The following CADM2 variants were observed in gnomAD, a reference collection of about 807,000 sequenced individuals.
The protein encoded by CADM2 is immunoglobulin superfamily member 4D.
A neutral mutation model predicts 49.8 loss-of-function variants in CADM2; 12 were observed. The ratio of observed to expected loss-of-function variants is 0.24; its 90% CI spans 0.15 to 0.39. The LOEUF (loss-of-function observed/expected upper bound fraction) is 0.39. CADM2 is among the 10% of genes least tolerant of loss of function. CADM2 has a pLI of 1.00. For synonymous variants in CADM2, 214 were observed against 175.4 expected (o/e 1.22, Z -1.74); for missense variants, 378 against 492.3 (o/e 0.77, Z 2.20).
chr3:85,201,926 C>T (rs2041513232), intron 1 of CADM2, among the ~76,000 whole-genome samples: 1 of 151,692 alleles, frequency 6.6e-6, no homozygotes, highest in Admixed American at 6.6e-5. Context: ...ACTAAAAATA[C>T]AAAAATTCGT....
At chr3:85,102,302 A>T (rs568349929) in intron 1 of CADM2, among the ~76,000 whole-genome samples, 1 of 152,186 alleles carries the variant, frequency 6.6e-6, no homozygotes, top group Non-Finnish European at 1.5e-5. Context: ...GAACATTCCC[A>T]TAAAATCAAA....
At chr3:85,177,721 A>G (rs2040821869) in intron 1 of CADM2, among the ~76,000 whole-genome samples, 1 of 151,986 alleles carries the variant, frequency 6.6e-6, no homozygotes, top group Non-Finnish European at 1.5e-5. Flanking sequence ...AGGTAAAATT[A>G]TATCTAACAT....
chr3:85,741,314 A>G (rs1312438387), intron 2 of CADM2, among the ~76,000 whole-genome samples: 1 of 145,300 alleles, frequency 6.9e-6, no homozygotes, highest in Admixed American at 7.0e-5. Flanking sequence ...CCTGTCTTTG[A>G]TGATTTATTT....
chr3:85,775,640 T>C (rs781190296), intron 2 of CADM2, among the ~76,000 whole-genome samples: 5 of 151,854 alleles, frequency 3.3e-5, no homozygotes, highest in Non-Finnish European at 5.9e-5. Context: ...TTCCTCCAAA[T>C]TCAGCTCTAT....
chr3:86,032,468 A>G (rs887646094), intron 8 of CADM2, among the ~76,000 whole-genome samples: 6 of 151,990 alleles, frequency 3.9e-5, no homozygotes, highest in African/African-American at 1.4e-4. Flanking sequence ...GCAATAGCTA[A>G]AAGAAAACCT....
intron 6 of CADM2, among the ~76,000 whole-genome samples, chr3:85,930,947 T>C (rs1381553258): frequency 2.0e-5 from 3 of 150,200 alleles, no homozygotes; most frequent in Non-Finnish European, 4.4e-5. Flanking sequence ...TGTTAATTAA[T>C]TAATAGTTCA....
At chr3:85,621,319 A>G (rs184377721) in intron 1 of CADM2, among the ~76,000 whole-genome samples, 6 of 152,132 alleles carry the variant, frequency 3.9e-5, no homozygotes, top group Admixed American at 3.9e-4. Context: ...AAATTTCCTG[A>G]GTTGTTTTTT....
At chr3:85,238,208 A>G (rs1264288503) in intron 1 of CADM2, among the ~76,000 whole-genome samples, 1 of 151,950 alleles carries the variant, frequency 6.6e-6, no homozygotes, top group Admixed American at 6.6e-5. Flanking sequence ...AAGGAGAGGA[A>G]ATCCTGGAAT....
At chr3:85,484,447 C>T (rs1008086708) in intron 1 of CADM2, among the ~76,000 whole-genome samples, 1 of 151,952 alleles carries the variant, frequency 6.6e-6, no homozygotes, top group African/African-American at 2.4e-5. Context: ...TACAGTGCTT[C>T]TCCCTACCAT....
chr3:85,652,593 T>C (rs1220605180), intron 1 of CADM2, among the ~76,000 whole-genome samples: 2 of 151,910 alleles, frequency 1.3e-5, no homozygotes, highest in Non-Finnish European at 2.9e-5. Flanking sequence ...CAGCAACAAA[T>C]ACATAGTTCT....
chr3:85,244,211 C>T (rs1386234786), intron 1 of CADM2, among the ~76,000 whole-genome samples: 1 of 152,026 alleles, frequency 6.6e-6, no homozygotes, highest in African/African-American at 2.4e-5. Flanking sequence ...TTTTCAGTCT[C>T]TAGTTTATCA....
At chr3:85,698,283 C>T (rs1174011088) in intron 1 of CADM2, among the ~76,000 whole-genome samples, 1 of 152,166 alleles carries the variant, frequency 6.6e-6, no homozygotes, top group Non-Finnish European at 1.5e-5. Context: ...AGGACCTCTA[C>T]AGCGAGATAA....
intron 2 of CADM2, among the ~76,000 whole-genome samples, chr3:85,763,796 C>T (rs2069513890): frequency 6.6e-6 from 1 of 152,242 alleles, no homozygotes; most frequent in Non-Finnish European, 1.5e-5. Flanking sequence ...AATATCAGCT[C>T]TCATCCCACA....
At position 85,186,641 on chromosome 3, in the gene CADM2, A is replaced by G. The variant is rs541815655; in HGVS notation, c.61+226973A>G. On this transcript the variant is annotated intron_variant, in intron 1 of 9. Coordinates refer to ENST00000383699, the MANE Select transcript of CADM2 (RefSeq NM_001167675.2). ...TTTTGAGAGCTGTAGTCTGCATCTT[A>G]GGATGTTTAACACCATCCCTGGCCT... Among the ~76,000 whole-genome samples the G allele has an allele frequency of 2.0e-5, 3 of 152,092 alleles. No homozygotes were observed. In the East Asian group the frequency reaches 5.8e-4, roughly 29 times the overall value.
chr3:85,856,904 G>A (rs1471518593), intron 3 of CADM2, among the ~76,000 whole-genome samples: 1 of 152,178 alleles, frequency 6.6e-6, no homozygotes, highest in Non-Finnish European at 1.5e-5. Flanking sequence ...AGCATTGTGA[G>A]ATAAACCATG....
chr3:85,800,720 C>A (rs1446828340), intron 2 of CADM2: 1 of 152,382 alleles, frequency 6.6e-6, no homozygotes, highest in Non-Finnish European at 1.5e-5. Flanking sequence ...CTTCTGCTCG[C>A]CCTCCATGGG....
At chr3:85,680,657 G>A (rs1024433916) in intron 1 of CADM2, among the ~76,000 whole-genome samples, 5 of 152,048 alleles carry the variant, frequency 3.3e-5, no homozygotes, top group Non-Finnish European at 2.9e-5. Context: ...GACGTTTTAT[G>A]ATTATTTTAA....
At chr3:85,850,168 C>T (rs1258036192) in intron 3 of CADM2, among the ~76,000 whole-genome samples, 1 of 151,954 alleles carries the variant, frequency 6.6e-6, no homozygotes, top group Non-Finnish European at 1.5e-5. Flanking sequence ...ATAGGTCCAG[C>T]GGCTCTATCT....
At chr3:85,951,039 G>A (rs943375710) in intron 7 of CADM2, among the ~76,000 whole-genome samples, 5 of 150,902 alleles carry the variant, frequency 3.3e-5, no homozygotes, top group Non-Finnish European at 7.4e-5. Flanking sequence ...TGTTGAGACT[G>A]GCAACAGGAG....
Sources: gnomAD v4.1 joint callset for allele counts (sites outside exome capture counted in the v4.1 genomes callset) on GRCh38, gnomAD v4.1.1 for gene constraint, MANE v1.5 for transcripts, NCBI Gene and HGNC (gene_info 2026-07-23, HGNC 2026-07-21) for gene names.